ZNF292: variants seen among roughly 807,000 people sequenced by gnomAD.
The protein encoded by ZNF292 is 16 zinc-finger domain protein.
In ZNF292, 26 loss-of-function variants were observed where a neutral mutation model predicts 217.9. The observed-to-expected ratio is 0.12, with a 90% CI of 0.09 to 0.17. The LOEUF is 0.17. Among genes scored for constraint, ZNF292 ranks in the 10% least tolerant of loss-of-function variants. The pLI is 1.00. For missense variants in ZNF292, 2,904 were observed against 3,175.2 expected (o/e 0.91, Z 2.05); for synonymous variants, 1,257 against 1,124.1 (o/e 1.12, Z -2.37).
In ZNF292 at chr6:87,216,070, T is replaced by G. The variant is rs2127802407; in HGVS notation, c.323+13T>G. 1 of 1,533,702 alleles carries G rather than the reference T, an allele frequency of 6.5e-7. No homozygotes were observed. The highest frequency in any genetic ancestry group is 1.3e-5 in the South Asian group (1 of 77,040). ...AACGCTTGGCATTGTGAGTAGACCTTTGAGTAAATAAACTAGATTTAGCTT... is the reference window on the plus strand; with the variant it reads ...AACGCTTGGCATTGTGAGTAGACCTGTGAGTAAATAAACTAGATTTAGCTT... On this transcript the variant is annotated intron_variant, in intron 2 of 7. Transcript: ENST00000369577.
intron 5 of ZNF292, among the ~76,000 whole-genome samples, chr6:87,234,617 G>T (rs191891527): frequency 6.6e-6 from 1 of 152,074 alleles, no homozygotes; most frequent in East Asian, 1.9e-4. Context: ...AGTGTTCAGT[G>T]GGCACTGAAT....
chr6:87,155,605 A>T lies in ZNF292; in HGVS notation c.14A>T (p.Glu5Val). The change falls in exon 1 of 8, where the codon GAG becomes GTG. Residue 5 changes from glutamate (E) to valine (V), a missense_variant. Transcript: ENST00000369577. ...CGGGGTGTGAAGATGGCGGACGAAG[A>T]GGCCGAGCAGGAGAGGTTGAGTTGC... MADE[E>V]AEQERLSCGE... 1 of 1,580,808 alleles carries T rather than the reference A, an allele frequency of 6.3e-7. No individual in the cohort carries two copies. Among genetic ancestry groups the T allele is most frequent in the Non-Finnish European group, 8.6e-7 (1 of 1,164,478 alleles).
At chr6:87,182,182 G>A (rs973804505) in intron 1 of ZNF292, among the ~76,000 whole-genome samples, 2 of 152,144 alleles carry the variant, frequency 1.3e-5, no homozygotes, top group African/African-American at 4.8e-5. Context: ...ATTCACTCTA[G>A]TGGAATATTA....
At chr6:87,227,667 C>T (rs1182153384) in intron 4 of ZNF292, among the ~76,000 whole-genome samples, 1 of 152,114 alleles carries the variant, frequency 6.6e-6, no homozygotes, top group Non-Finnish European at 1.5e-5. Flanking sequence ...ACTTTAGATA[C>T]CTTATATAAA....
At chr6:87,198,808 A>C (rs1185848969) in intron 1 of ZNF292, among the ~76,000 whole-genome samples, 3 of 152,248 alleles carry the variant, frequency 2.0e-5, no homozygotes, top group Admixed American at 1.3e-4. Context: ...ATACATGAAT[A>C]TTCTTACTAA....
chr6:87,177,805 C>G (rs1002878510), intron 1 of ZNF292, among the ~76,000 whole-genome samples: 1 of 152,330 alleles, frequency 6.6e-6, no homozygotes, highest in East Asian at 1.9e-4. Context: ...GGCATCAGTA[C>G]AGTGCACATC....
At chr6:87,181,750 C>T (rs775514890) in intron 1 of ZNF292, among the ~76,000 whole-genome samples, 2 of 151,832 alleles carry the variant, frequency 1.3e-5, no homozygotes, top group African/African-American at 2.4e-5. Flanking sequence ...GGCACTGTCT[C>T]GACTCACTGC....
At chr6:87,244,236 G>A (rs1236787142) in intron 6 of ZNF292, among the ~76,000 whole-genome samples, 1 of 152,168 alleles carries the variant, frequency 6.6e-6, no homozygotes, top group African/African-American at 2.4e-5. Flanking sequence ...CAATGGTTGT[G>A]TAATCAATAA....
chr6:87,251,493 G>T (rs990938993), intron 7 of ZNF292, among the ~76,000 whole-genome samples: 13 of 152,152 alleles, frequency 8.5e-5, no homozygotes, highest in East Asian at 3.9e-4. Flanking sequence ...ACCTGGTGCT[G>T]TTCTTTTCCT....
At position 87,257,312 on chromosome 6, in the gene ZNF292, G is replaced by T. The variant is rs768412733; in HGVS notation, c.3683G>T (p.Cys1228Phe). 7.4e-6 allele frequency: 12 copies of T among 1,613,546 alleles called. No homozygotes were observed. Among genetic ancestry groups the T allele is most frequent in the Non-Finnish European group, 1.0e-5 (12 of 1,179,760 alleles). ...AAAAATGAACAAGGTGGTATGTTAT[G>T]TTCCCAAATGGAAAATTTACCTAGT... The part of the protein sequence containing the change: ...QDKNEQGGML[C>F]SQMENLPSTA... Residue 1228 changes from cysteine to phenylalanine, a missense_variant, in exon 8 of 8, where the codon TGT becomes TTT. Physicochemically the swap from Cys to Phe is radical, Grantham distance 205. Transcript: ENST00000369577.
rs75866727 is a variant in ZNF292 at position 87,166,801 on chromosome 6, G to T, written c.168+11042G>T. On this transcript the variant is annotated intron_variant, in intron 1 of 7. Transcript: ENST00000369577. ...ATTTGTTGCCTTTTGTTTCTATATTGCATGCTCTATGTCCTCAGATTTTGG... is the reference window on the plus strand; with the variant it reads ...ATTTGTTGCCTTTTGTTTCTATATTTCATGCTCTATGTCCTCAGATTTTGG... Among the ~76,000 whole-genome samples the T allele has an allele frequency of 9.4e-3, 1,437 of 152,144 alleles. 19 individuals are homozygous for T. Among genetic ancestry groups the T allele is most frequent in the African/African-American group, 0.033 (1,353 of 41,506 alleles).
chr6:87,257,136 A>G lies in ZNF292; in HGVS notation c.3507A>G (p.Thr1169=), dbSNP rs763799419. The G allele has an allele frequency of 9.9e-6, 16 of 1,613,800 alleles. No individual in the cohort carries two copies. The highest frequency in any genetic ancestry group is 9.9e-5 in the South Asian group (9 of 91,088). Residue 1169 remains threonine, a synonymous_variant, in exon 8 of 8, where the codon ACA becomes ACG. Transcript: ENST00000369577. ...SPVNSSNPFF[T]SQTKANGNPA... ...TGAACAGCTCAAATCCATTTTTTAC[A>G]TCACAGACCAAAGCCAATGGGAATC...
At chr6:87,174,077 T>C (rs1376081383) in intron 1 of ZNF292, 3 of 210,578 alleles carry the variant, frequency 1.4e-5, no homozygotes, top group Non-Finnish European at 2.0e-5. Flanking sequence ...TGGGGACACC[T>C]AAAAGGCTCT....
chr6:87,244,511 A>G (rs1774468596), intron 6 of ZNF292, among the ~76,000 whole-genome samples: 1 of 152,240 alleles, frequency 6.6e-6, no homozygotes, highest in East Asian at 1.9e-4. Flanking sequence ...GCAGTCCATT[A>G]TAAGCTCTTG....
intron 1 of ZNF292, among the ~76,000 whole-genome samples, chr6:87,184,113 G>T (rs994705748): frequency 6.6e-6 from 1 of 152,136 alleles, no homozygotes; most frequent in African/African-American, 2.4e-5. Context: ...TGCATATAAC[G>T]AATTAGAACT....
intron 1 of ZNF292, chr6:87,215,060 G>T (rs896690135): frequency 1.3e-5 from 2 of 152,048 alleles, no homozygotes; most frequent in Admixed American, 1.3e-4. Context: ...AGTGTGGAGA[G>T]GACCAATTGT....
chr6:87,184,108 A>G (rs1356349501), intron 1 of ZNF292, among the ~76,000 whole-genome samples: 1 of 152,272 alleles, frequency 6.6e-6, no homozygotes, highest in Non-Finnish European at 1.5e-5. Context: ...TAAAATGCAT[A>G]TAACGAATTA....
chr6:87,249,051 A>G (rs1307092766), intron 7 of ZNF292, among the ~76,000 whole-genome samples: 3 of 152,218 alleles, frequency 2.0e-5, no homozygotes, highest in African/African-American at 7.2e-5. Flanking sequence ...GAATTAGAGT[A>G]TATAAAAAAG....
At chr6:87,181,917 C>T (rs1007413161) in intron 1 of ZNF292, among the ~76,000 whole-genome samples, 1 of 152,172 alleles carries the variant, frequency 6.6e-6, no homozygotes, top group African/African-American at 2.4e-5. Context: ...CTCCTGACCT[C>T]AGGTGATCCG....
Sources: gnomAD v4.1 joint callset for allele counts (sites outside exome capture counted in the v4.1 genomes callset) on GRCh38, gnomAD v4.1.1 for gene constraint, MANE v1.5 for transcripts, NCBI Gene and HGNC (gene_info 2026-07-23, HGNC 2026-07-21) for gene names.